SLC8A1: variants seen among roughly 807,000 people sequenced by gnomAD.
SLC8A1 encodes the protein solute carrier family 8 member A1.
In SLC8A1, 18 loss-of-function variants were observed where a neutral mutation model predicts 68.3. That is an observed-to-expected ratio of 0.26 (90% CI 0.18 to 0.39). The LOEUF (loss-of-function observed/expected upper bound fraction) is 0.39, where lower values mean the gene tolerates loss of function less well. Ranked by LOEUF, SLC8A1 falls within the 10% of genes least tolerant of loss-of-function variation. The pLI is 1.00. For missense variants in SLC8A1, 985 were observed against 1,156.7 expected (o/e 0.85, Z 2.15); for synonymous variants, 475 against 415.5 (o/e 1.14, Z -1.74).
At chr2:40,411,801 T>A (rs924205791) in intron 2 of SLC8A1, among the ~76,000 whole-genome samples, 1 of 152,016 alleles carries the variant, frequency 6.6e-6, no homozygotes, top group Non-Finnish European at 1.5e-5. Context: ...AAAGTAGCCA[T>A]CTCTGGTTTG....
chr2:40,160,167 CTATT>C (rs1473742905), intron 6 of SLC8A1, among the ~76,000 whole-genome samples: 1 of 152,192 alleles, frequency 6.6e-6, no homozygotes, highest in Non-Finnish European at 1.5e-5. Context: ...ACCTCTCTCT[CTATT>C]TAATTCCCTC....
chr2:40,489,705 T>G (rs1303977361), intron 1 of SLC8A1, among the ~76,000 whole-genome samples: 1 of 152,000 alleles, frequency 6.6e-6, no homozygotes. Context: ...TCTCCCTTGA[T>G]AGAGATTTGG....
intron 1 of SLC8A1, among the ~76,000 whole-genome samples, chr2:40,478,849 G>A (rs1704453285): frequency 6.6e-6 from 1 of 150,944 alleles, no homozygotes. Context: ...CCAGCTCACT[G>A]CAACCTCCGC....
intron 1 of SLC8A1, among the ~76,000 whole-genome samples, chr2:40,440,252 G>C (rs930137326): frequency 1.3e-5 from 2 of 152,114 alleles, no homozygotes; most frequent in Non-Finnish European, 2.9e-5. Context: ...GACACTGCTA[G>C]ATTATTGTCT....
intron 2 of SLC8A1, among the ~76,000 whole-genome samples, chr2:40,372,697 T>G (rs998948373): frequency 6.6e-6 from 1 of 152,156 alleles, no homozygotes; most frequent in Admixed American, 6.5e-5. Context: ...ATTCTTTCTA[T>G]GTTGAAGACA....
chr2:40,251,958 C>T (rs2062825676), intron 2 of SLC8A1, among the ~76,000 whole-genome samples: 1 of 151,840 alleles, frequency 6.6e-6, no homozygotes, highest in African/African-American at 2.4e-5. Context: ...GTGTATAATA[C>T]CAAAAAATGC....
At chr2:40,491,675 A>T (rs1705323996) in intron 1 of SLC8A1, among the ~76,000 whole-genome samples, 1 of 152,100 alleles carries the variant, frequency 6.6e-6, no homozygotes, top group Admixed American at 6.6e-5. Flanking sequence ...ATTTATTGAG[A>T]GTTTTTAGCA....
exon 8 of SLC8A1, chr2:40,106,122 T>G (rs2034182759): frequency 6.6e-6 from 1 of 152,242 alleles, no homozygotes; most frequent in South Asian, 2.1e-4. Context: ...GTTTAAACAT[T>G]CAGTCCAAAT....
chr2:40,360,464 T>C (rs1036071538), intron 2 of SLC8A1, among the ~76,000 whole-genome samples: 4 of 152,316 alleles, frequency 2.6e-5, no homozygotes, highest in Admixed American at 1.3e-4. Context: ...TGACAGGTGG[T>C]TATCCTCTAC....
chr2:40,179,535 C>T (rs1405013353), intron 2 of SLC8A1, among the ~76,000 whole-genome samples: 3 of 152,160 alleles, frequency 2.0e-5, no homozygotes, highest in African/African-American at 7.2e-5. Context: ...CTACAACTAA[C>T]TTATTAGAAG....
At chr2:40,411,190 T>C (rs1334859603) in intron 2 of SLC8A1, among the ~76,000 whole-genome samples, 1 of 152,038 alleles carries the variant, frequency 6.6e-6, no homozygotes, top group Admixed American at 6.6e-5. Flanking sequence ...AAGAAGAGTT[T>C]TGAACACTAA....
At chr2:40,208,640 A>G (rs1286688490) in intron 2 of SLC8A1, among the ~76,000 whole-genome samples, 5 of 152,058 alleles carry the variant, frequency 3.3e-5, no homozygotes, top group African/African-American at 9.7e-5. Flanking sequence ...ACATCAATCA[A>G]CTCTGCTCTA....
At chr2:40,419,559 CCT>C (rs1341858930) in intron 2 of SLC8A1, among the ~76,000 whole-genome samples, 2 of 151,994 alleles carry the variant, frequency 1.3e-5, no homozygotes. Context: ...CATCTTTGCC[CCT>C]GTCTCTTTTT....
intron 2 of SLC8A1, among the ~76,000 whole-genome samples, chr2:40,405,671 G>T (rs1321912344): frequency 6.6e-6 from 1 of 152,180 alleles, no homozygotes; most frequent in South Asian, 2.1e-4. Flanking sequence ...TGGGAAAAAT[G>T]AGGTAATTCT....
intron 3 of SLC8A1, chr2:40,177,700 G>A (rs940159220): frequency 4.5e-6 from 5 of 1,106,672 alleles, no homozygotes; most frequent in South Asian, 4.0e-5. Flanking sequence ...AGGGAGACAC[G>A]GAGAGAGAAG....
At chr2:40,368,054 T>C (rs2149497775) in intron 2 of SLC8A1, among the ~76,000 whole-genome samples, 1 of 152,240 alleles carries the variant, frequency 6.6e-6, no homozygotes, top group South Asian at 2.1e-4. Context: ...CATGCACATT[T>C]ACATATTCCT....
intron 2 of SLC8A1, among the ~76,000 whole-genome samples, chr2:40,244,348 T>G (rs916333542): frequency 6.6e-6 from 1 of 152,066 alleles, no homozygotes; most frequent in Non-Finnish European, 1.5e-5. Flanking sequence ...ATCTATTATC[T>G]CTTTAAATTT....
intron 2 of SLC8A1, among the ~76,000 whole-genome samples, chr2:40,410,726 C>T (rs990338935): frequency 1.3e-5 from 2 of 152,056 alleles, no homozygotes; most frequent in Non-Finnish European, 2.9e-5. Context: ...TATCTTCCCA[C>T]TCTGTGAGCT....
At chr2:40,137,877 C>G (rs2040818935) in intron 7 of SLC8A1, among the ~76,000 whole-genome samples, 1 of 152,092 alleles carries the variant, frequency 6.6e-6, no homozygotes, top group Non-Finnish European at 1.5e-5. Context: ...AGTCTTTAAT[C>G]AGAACCCCCA....
Sources: allele counts gnomAD v4.1 joint callset (sites outside exome capture counted in the v4.1 genomes callset), GRCh38; gene constraint gnomAD v4.1.1; transcripts MANE v1.5; gene names NCBI Gene and HGNC (gene_info 2026-07-23, HGNC 2026-07-21).